The following FSTL4 variants were observed in gnomAD, a reference collection of about 807,000 sequenced individuals.
FSTL4 encodes the protein follistatin like 4.
Under a neutral mutation model 78.2 loss-of-function variants are expected in FSTL4, and 28 were observed. The observed-to-expected ratio is 0.36, with a 90% CI of 0.27 to 0.49. FSTL4 has a LOEUF of 0.49. Among genes scored for constraint, FSTL4 ranks in the 20% least tolerant of loss-of-function variants. FSTL4 has a pLI of 0.98. For missense variants in FSTL4, 922 were observed against 1,084.9 expected (o/e 0.85, Z 2.11); for synonymous variants, 422 against 440.5 (o/e 0.96, Z 0.53).
At chr5:133,701,468 AACACACACACACACACAC>A in the FSTL4 span, among the ~76,000 whole-genome samples, 2 of 129,088 alleles carry the variant, frequency 1.5e-5, no homozygotes, top group East Asian at 2.4e-4. Flanking sequence ...AAGACACAGA[AACACACACACACACACAC>A]ACACACACAC....
At chr5:133,824,468 C>T in the FSTL4 span, among the ~76,000 whole-genome samples, 1 of 152,240 alleles carries the variant, frequency 6.6e-6, no homozygotes, top group African/African-American at 2.4e-5. Flanking sequence ...AAAAGACACT[C>T]ATATCCCTCT....
chr5:133,525,588 C>A (rs912005638), intron 3 of FSTL4, among the ~76,000 whole-genome samples: 1 of 152,242 alleles, frequency 6.6e-6, no homozygotes, highest in Non-Finnish European at 1.5e-5. Flanking sequence ...CAGAAACCGT[C>A]CTGGCCTTGG....
At chr5:133,794,894 A>C in the FSTL4 span, among the ~76,000 whole-genome samples, 1 of 152,126 alleles carries the variant, frequency 6.6e-6, no homozygotes, top group Non-Finnish European at 1.5e-5. Flanking sequence ...CCTCTCAAGG[A>C]AGCTCCACCT....
At chr5:133,837,043 CT>C in the FSTL4 span, among the ~76,000 whole-genome samples, 2 of 152,106 alleles carry the variant, frequency 1.3e-5, no homozygotes, top group Admixed American at 1.3e-4. Context: ...GCTTCTACCC[CT>C]CCCTAAGACT....
At chr5:133,306,931 C>T (rs1753671547) in intron 6 of FSTL4, among the ~76,000 whole-genome samples, 1 of 152,134 alleles carries the variant, frequency 6.6e-6, no homozygotes, top group East Asian at 1.9e-4. Context: ...CCCTCACCGC[C>T]GCCATCATTG....
At chr5:133,641,812 TTCC>T in the FSTL4 span, among the ~76,000 whole-genome samples, 5 of 152,160 alleles carry the variant, frequency 3.3e-5, no homozygotes, top group Admixed American at 6.6e-5. Flanking sequence ...TCTCCTCCTC[TTCC>T]TCCTCCTCCT....
At chr5:133,722,849 A>G in the FSTL4 span, among the ~76,000 whole-genome samples, 53 of 152,172 alleles carry the variant, frequency 3.5e-4, no homozygotes, top group Non-Finnish European at 6.6e-4. Flanking sequence ...ACTCCTTGCA[A>G]CTTCTTCAGT....
intron 3 of FSTL4, among the ~76,000 whole-genome samples, chr5:133,471,894 G>A (rs1404325390): frequency 6.6e-6 from 1 of 152,184 alleles, no homozygotes; most frequent in Non-Finnish European, 1.5e-5. Context: ...TTGCTCTAGA[G>A]GGGGCCATTC....
chr5:133,681,493 A>G, the FSTL4 span, among the ~76,000 whole-genome samples: 5 of 152,190 alleles, frequency 3.3e-5, no homozygotes, highest in African/African-American at 4.8e-5. Context: ...AATATATTCT[A>G]AAGCCAAAAT....
rs1760562816 is a variant in FSTL4, at chr5:133,589,030, G to A, written c.126+14828C>T. Among the ~76,000 whole-genome samples the A allele has an allele frequency of 1.2e-4, 2 of 16,588 alleles. 1 individual carries two copies. The highest frequency in any genetic ancestry group is 1.3e-3 in the Admixed American group (2 of 1,526). 10.9% of individuals were successfully genotyped at this position (16,588 alleles called of 152,430 possible). ...AAACCATCATTCTCAGTAAACTATC[G>A]CAAGAACAAAAAACCAAACACCGCA... On this transcript the variant is annotated intron_variant, in intron 2 of 15. Transcript: ENST00000265342.
chr5:133,346,375 G>C (rs184524700), intron 4 of FSTL4, among the ~76,000 whole-genome samples: 1 of 152,048 alleles, frequency 6.6e-6, no homozygotes, highest in Non-Finnish European at 1.5e-5. Context: ...AAACCTGCAC[G>C]TTCTGCACAC....
intron 4 of FSTL4, among the ~76,000 whole-genome samples, chr5:133,330,625 A>T (rs1362966600): frequency 6.6e-6 from 1 of 152,212 alleles, no homozygotes; most frequent in African/African-American, 2.4e-5. Flanking sequence ...GGGTACAAAT[A>T]TCCAAAGAAT....
At chr5:133,683,848 T>C in the FSTL4 span, among the ~76,000 whole-genome samples, 1 of 152,182 alleles carries the variant, frequency 6.6e-6, no homozygotes, top group East Asian at 1.9e-4. Flanking sequence ...GGCTGCTGGA[T>C]GGTGCCGCAG....
At chr5:133,355,703 CAAT>C (rs1300360711) in intron 4 of FSTL4, among the ~76,000 whole-genome samples, 1 of 152,180 alleles carries the variant, frequency 6.6e-6, no homozygotes, top group Non-Finnish European at 1.5e-5. Flanking sequence ...AACAACACAA[CAAT>C]GCCTAGTTTT....
At chr5:133,309,682 C>A (rs1365139360) in intron 6 of FSTL4, among the ~76,000 whole-genome samples, 2 of 152,222 alleles carry the variant, frequency 1.3e-5, no homozygotes, top group African/African-American at 2.4e-5. Context: ...AGACCACCCC[C>A]ACAAACCTCA....
intron 3 of FSTL4, among the ~76,000 whole-genome samples, chr5:133,406,601 G>A (rs1756368369): frequency 6.6e-6 from 1 of 152,168 alleles, no homozygotes; most frequent in Non-Finnish European, 1.5e-5. Context: ...CCTCCACCCT[G>A]TAACGCCTCA....
chr5:133,199,593 G>C lies in FSTL4; in HGVS notation c.2031C>G (p.Val677=). 6.2e-7 allele frequency: 1 copy of C among 1,614,184 alleles called. No individual in the cohort carries two copies. Among genetic ancestry groups the C allele is most frequent in the Non-Finnish European group, 8.5e-7 (1 of 1,180,030 alleles). ...SAARQLLVDS[V]TDSVLGPNGD... ...CATTGGGGCCAAGCACAGAGTCTGT[G>C]ACACTGTCAACGAGCAGCTGTCGGG... The change falls in exon 16 of 16, where the codon GTC becomes GTG. Residue 677 remains valine (V), a synonymous_variant. Transcript: ENST00000265342. The surrounding 1 kb of genome is among the most constrained non-coding windows in gnomAD (Gnocchi z 4.4).
intron 3 of FSTL4, among the ~76,000 whole-genome samples, chr5:133,503,336 A>C (rs1470577106): frequency 6.6e-6 from 1 of 152,226 alleles, no homozygotes; most frequent in Non-Finnish European, 1.5e-5. Flanking sequence ...AGAATTTGAC[A>C]ATTTCCATGT....
chr5:133,311,678 T>C (rs1398138254), intron 6 of FSTL4, among the ~76,000 whole-genome samples: 5 of 152,158 alleles, frequency 3.3e-5, no homozygotes, highest in Admixed American at 6.5e-5. Flanking sequence ...AGGCTGGGGT[T>C]GAGGGAGGAT....
Sources: gnomAD v4.1 joint callset for allele counts (sites outside exome capture counted in the v4.1 genomes callset) on GRCh38, gnomAD v4.1.1 for gene constraint, Gnocchi (gnomAD v3.1) non-coding constraint, MANE v1.5 for transcripts, NCBI Gene and HGNC (gene_info 2026-07-23, HGNC 2026-07-21) for gene names.